HACD2: variants seen among roughly 807,000 people sequenced by gnomAD.
HACD2 encodes the protein very-long-chain (3R)-3-hydroxyacyl-CoA dehydratase 2.
A neutral mutation model predicts 31.0 loss-of-function variants in HACD2; 15 were observed. The ratio of observed to expected loss-of-function variants is 0.48; its 90% confidence interval spans 0.32 to 0.75. HACD2 has a LOEUF of 0.75. Among genes scored for constraint, HACD2 ranks in the 30% least tolerant of loss-of-function variants. The probability of loss-of-function intolerance (pLI) is 0.03; values close to 1 mark genes in which losing one functional copy is unlikely to be tolerated. For missense variants in HACD2, 283 were observed against 313.0 expected (o/e 0.90, Z 0.72); for synonymous variants, 115 against 122.2 (o/e 0.94, Z 0.39).
At chr3:123,553,838 C>T (rs2056644968) in intron 3 of HACD2, among the ~76,000 whole-genome samples, 1 of 151,974 alleles carries the variant, frequency 6.6e-6, no homozygotes, top group African/African-American at 2.4e-5. Flanking sequence ...CTCATGTTTT[C>T]TGTCAGGATC....
chr3:123,576,725 A>C (rs1020078049), intron 2 of HACD2, among the ~76,000 whole-genome samples: 3 of 152,240 alleles, frequency 2.0e-5, no homozygotes, highest in Non-Finnish European at 1.5e-5. Flanking sequence ...AAACCAGTTC[A>C]CAAAAGCAGT....
Position 123,528,379 on chromosome 3 carries a change from C to T in HACD2, c.381+7G>A, listed in dbSNP as rs751190992. On this transcript the variant is annotated splice_region_variant and intron_variant, in intron 4 of 6. Coordinates refer to ENST00000383657, the MANE Select transcript of HACD2 (RefSeq NM_198402.5). ...TTGACATTATTTTGGTCTATATAAA[C>T]ACTTACCTCTTTGACGCTATGTGTT... The T allele has an allele frequency of 6.4e-7, 1 of 1,571,930 alleles. No individual in the cohort carries two copies. Among genetic ancestry groups the T allele is most frequent in the African/African-American group, 1.3e-5 (1 of 74,136 alleles).
intron 3 of HACD2, among the ~76,000 whole-genome samples, chr3:123,550,236 C>T (rs7652731): frequency 7.2e-5 from 11 of 152,140 alleles, no homozygotes; most frequent in Admixed American, 4.6e-4. Context: ...GCTGTCCCAT[C>T]GAAACTCAAA....
rs150223240 is a variant in HACD2 at position 123,515,290 on chromosome 3, C to G, written c.382-12609G>C. ...TATGGTGTTTGCTGTCTGCTGGATT[C>G]TGCTTGACTCATACTAGGCTGGAAG... On this transcript the variant is annotated intron_variant, in intron 4 of 6. Transcript: ENST00000383657. 2.6e-5 allele frequency among the ~76,000 whole-genome samples: 4 copies of G among 152,266 alleles called. No individual in the cohort carries two copies. In the East Asian group the frequency reaches 7.7e-4, roughly 29 times the overall value.
Position 123,502,655 on chromosome 3 carries a change from C to T in HACD2, c.408G>A (p.Leu136=). 1 of 1,605,084 alleles carries T rather than the reference C, an allele frequency of 6.2e-7. No homozygotes were observed. The highest frequency in any genetic ancestry group is 8.5e-7 in the Non-Finnish European group (1 of 1,175,632). ...KEVQSEDSVL[L]FVIAWTITEI... is the part of the protein sequence containing the mutation. ...CCGTGATCGTCCATGCAATAACAAA[C>T]AGGAGGACACTGTCTTCACTCTGTA... is the stretch of plus-strand genomic sequence containing the variant. Residue 136 remains leucine, a synonymous_variant, in exon 5 of 7, where the codon CTG becomes CTA. Transcript: ENST00000383657.
chr3:123,582,252 TCAA>T lies in HACD2; in HGVS notation c.230_232del (p.Ile77_Glu78delinsLys). 1 of 1,607,394 alleles carries T rather than the reference TCAA, an allele frequency of 6.2e-7. No individual in the cohort carries two copies. On this transcript the variant is annotated inframe_deletion, in exon 2 of 7. Coordinates refer to ENST00000383657, the MANE Select transcript of HACD2 (RefSeq NM_198402.5). ...AGTTTGAAAGAATTTCAAAGGCTTT[TCAA>T]TTGAATAATAAAGGCTATGGTAGCT... is the stretch of plus-strand genomic sequence containing the variant.
intron 2 of HACD2, among the ~76,000 whole-genome samples, chr3:123,579,944 G>A (rs2107761843): frequency 6.6e-6 from 1 of 152,258 alleles, no homozygotes; most frequent in South Asian, 2.1e-4. Flanking sequence ...ATGAAAAGGA[G>A]GTGGATACGA....
intron 3 of HACD2, among the ~76,000 whole-genome samples, chr3:123,557,299 A>C (rs2056682805): frequency 6.6e-6 from 1 of 152,160 alleles, no homozygotes. Flanking sequence ...ATTTCATCCC[A>C]AAACCACCCC....
chr3:123,540,974 C>G (rs973854200), intron 3 of HACD2, among the ~76,000 whole-genome samples: 4 of 151,998 alleles, frequency 2.6e-5, no homozygotes, highest in African/African-American at 9.7e-5. Context: ...AAAGCTTTTT[C>G]AAAAAGCTAA....
chr3:123,522,778 A>G (rs2056233168), intron 4 of HACD2, among the ~76,000 whole-genome samples: 1 of 152,058 alleles, frequency 6.6e-6, no homozygotes, highest in Non-Finnish European at 1.5e-5. Flanking sequence ...GGAGGATTTT[A>G]GACATTCAGC....
At chr3:123,574,288 T>G (rs899603563) in intron 2 of HACD2, among the ~76,000 whole-genome samples, 1 of 152,246 alleles carries the variant, frequency 6.6e-6, no homozygotes, top group African/African-American at 2.4e-5. Flanking sequence ...TGTAACTGGG[T>G]AGTCCTGCTT....
intron 3 of HACD2, among the ~76,000 whole-genome samples, chr3:123,557,989 G>A (rs2056690188): frequency 6.6e-6 from 1 of 152,198 alleles, no homozygotes; most frequent in Admixed American, 6.5e-5. Flanking sequence ...AATGTCCATA[G>A]CAGCTTTATT....
chr3:123,570,165 T>A (rs1307894881), intron 2 of HACD2, among the ~76,000 whole-genome samples: 2 of 152,148 alleles, frequency 1.3e-5, no homozygotes, highest in Non-Finnish European at 2.9e-5. Flanking sequence ...TAATCACACA[T>A]ATTTTATAAT....
chr3:123,499,664 T>C (rs1576725691), intron 6 of HACD2: 1 of 454,334 alleles, frequency 2.2e-6, no homozygotes, highest in Admixed American at 2.4e-5. Flanking sequence ...AAGAATACAG[T>C]ATCTTTTCTA....
intron 3 of HACD2, among the ~76,000 whole-genome samples, chr3:123,552,531 T>C (rs2056630455): frequency 6.6e-6 from 1 of 152,182 alleles, no homozygotes; most frequent in South Asian, 2.1e-4. Context: ...AAGGAGCAGA[T>C]GCAAGTAGTT....
intron 3 of HACD2, among the ~76,000 whole-genome samples, chr3:123,538,170 T>C (rs2056448872): frequency 6.6e-6 from 1 of 152,108 alleles, no homozygotes; most frequent in African/African-American, 2.4e-5. Flanking sequence ...CATAGAAAAC[T>C]GGCCATGTCT....
rs60618268 is a variant in HACD2 at position 123,580,166 on chromosome 3, C to CAA, written c.273+2044_273+2045dup. Among the ~76,000 whole-genome samples, 241 of 123,940 alleles carry CAA rather than the reference C, an allele frequency of 1.9e-3. 1 individual carries two copies. Among genetic ancestry groups the CAA allele is most frequent in the Middle Eastern group, 4.6e-3 (1 of 216 alleles). 81.3% of individuals were successfully genotyped at this position (123,940 alleles called of 152,430 possible). A position where few individuals can be genotyped will look rare whatever the true frequency, so the allele number is the denominator to read the frequency against. Reference sequence around the variant, plus strand: ...TGGGCAACAGAGTAAGGCCCTGTGTCAAAAAAAAAAAAGAAAAAAGAAAGA... The same window carrying CAA: ...TGGGCAACAGAGTAAGGCCCTGTGTCAAAAAAAAAAAAAAGAAAAAAGAAAGA... On this transcript the variant is annotated intron_variant, in intron 2 of 6. Coordinates refer to ENST00000383657, the MANE Select transcript of HACD2 (RefSeq NM_198402.5).
intron 3 of HACD2, among the ~76,000 whole-genome samples, chr3:123,534,470 A>T (rs1230325592): frequency 2.6e-5 from 4 of 152,094 alleles, no homozygotes; most frequent in Admixed American, 6.6e-5. Flanking sequence ...TCATATAAAA[A>T]TATAGCATGT....
chr3:123,566,179 A>C (rs551433216), intron 3 of HACD2, among the ~76,000 whole-genome samples: 11 of 152,206 alleles, frequency 7.2e-5, no homozygotes, highest in Non-Finnish European at 1.5e-4. Context: ...ATAAACACAG[A>C]AACATACGTA....
Sources: allele counts gnomAD v4.1 joint callset (sites outside exome capture counted in the v4.1 genomes callset), GRCh38; gene constraint gnomAD v4.1.1; transcripts MANE v1.5; gene names NCBI Gene and HGNC (gene_info 2026-07-23, HGNC 2026-07-21).